CADPS: variants seen among roughly 807,000 people sequenced by gnomAD.
The protein encoded by CADPS is calcium dependent secretion activator.
A neutral mutation model predicts 167.3 loss-of-function variants in CADPS; 57 were observed. The observed-to-expected ratio is 0.34, with a 90% CI of 0.28 to 0.42. The LOEUF is 0.42. Among genes scored for constraint, CADPS ranks in the 20% least tolerant of loss-of-function variants. CADPS has a pLI of 1.00. For synonymous variants in CADPS, 676 were observed against 635.3 expected (o/e 1.06, Z -0.96); for missense variants, 1,414 against 1,738.1 (o/e 0.81, Z 3.32).
intron 1 of CADPS, among the ~76,000 whole-genome samples, chr3:62,766,797 C>A (rs2086998757): frequency 1.3e-5 from 2 of 152,172 alleles, no homozygotes; most frequent in Non-Finnish European, 1.5e-5. Context: ...ATGCAGGCAG[C>A]ACTAATTTAT....
At chr3:62,604,483 G>A (rs1329191612) in intron 6 of CADPS, among the ~76,000 whole-genome samples, 4 of 152,224 alleles carry the variant, frequency 2.6e-5, no homozygotes, top group African/African-American at 7.2e-5. Context: ...ATTCAGCTGT[G>A]AAAGCTTAGA....
intron 24 of CADPS, chr3:62,466,668 A>C (rs2059971264): frequency 2.0e-6 from 1 of 489,242 alleles, no homozygotes; most frequent in African/African-American, 1.9e-5. Flanking sequence ...TAGACACTTA[A>C]ACACTTTTAC....
chr3:62,538,374 G>C (rs963954408), intron 11 of CADPS, among the ~76,000 whole-genome samples: 2 of 152,066 alleles, frequency 1.3e-5, no homozygotes, highest in African/African-American at 4.8e-5. Flanking sequence ...CTGGCATAAT[G>C]ACACTCCTGC....
rs1394278397 is a variant in CADPS, at chr3:62,651,119, T to C, written c.970-39A>G. On this transcript the variant is annotated intron_variant, in intron 4 of 29. Coordinates refer to ENST00000383710, the MANE Select transcript of CADPS (RefSeq NM_003716.4). The stretch of plus-strand genomic sequence containing the variant: ...AGAAAAGTATGAGCAGAGGAGAAAA[T>C]AGAAAGCTGATTTATAAAGAAGGTC... 6.4e-6 allele frequency: 9 copies of C among 1,397,188 alleles called. No individual in the cohort carries two copies. In the South Asian group the frequency reaches 7.1e-5, roughly 11 times the overall value. 86.5% of individuals were successfully genotyped at this position (1,397,188 alleles called of 1,614,324 possible).
chr3:62,784,446 T>A (rs1361461653), intron 1 of CADPS, among the ~76,000 whole-genome samples: 2 of 152,194 alleles, frequency 1.3e-5, no homozygotes, highest in Non-Finnish European at 2.9e-5. Context: ...AATAGAATGA[T>A]ACTCTTCACC....
chr3:62,873,287 G>A (rs1392263261), intron 1 of CADPS, among the ~76,000 whole-genome samples: 1 of 152,174 alleles, frequency 6.6e-6, no homozygotes, highest in Non-Finnish European at 1.5e-5. Flanking sequence ...GGATAAATAC[G>A]GAAAACCTAA....
rs1403340031 is a variant in CADPS at position 62,604,592 on chromosome 3, T to C, written c.1326-11844A>G. On this transcript the variant is annotated intron_variant, in intron 6 of 29. Coordinates refer to ENST00000383710, the MANE Select transcript of CADPS (RefSeq NM_003716.4). ...GTTGGAGCTAAGCAACAGGATGGCATAGTGAGGAACTGTCAAAGGCTAAAT... is the reference window on the plus strand; with the variant it reads ...GTTGGAGCTAAGCAACAGGATGGCACAGTGAGGAACTGTCAAAGGCTAAAT... 2.2e-4 allele frequency among the ~76,000 whole-genome samples: 33 copies of C among 152,240 alleles called. 1 individual carries two copies. Among genetic ancestry groups the C allele is most frequent in the Admixed American group, 2.2e-3 (33 of 15,286 alleles).
chr3:62,645,302 T>C (rs1398304282), intron 6 of CADPS, among the ~76,000 whole-genome samples: 1 of 152,162 alleles, frequency 6.6e-6, no homozygotes, highest in Non-Finnish European at 1.5e-5. Flanking sequence ...CTGAAGAACT[T>C]AGTAATATAA....
At chr3:62,850,929 C>A (rs1316058106) in intron 1 of CADPS, among the ~76,000 whole-genome samples, 2 of 151,488 alleles carry the variant, frequency 1.3e-5, no homozygotes, top group Non-Finnish European at 2.9e-5. Flanking sequence ...GGAGGTCACT[C>A]AGGACTTGCT....
At chr3:62,509,875 A>G (rs1375258198) in intron 17 of CADPS, among the ~76,000 whole-genome samples, 1 of 152,180 alleles carries the variant, frequency 6.6e-6, no homozygotes, top group Non-Finnish European at 1.5e-5. Context: ...GAAAGAGACA[A>G]AAATGCATGG....
rs1421478732 is a variant in CADPS, at chr3:62,557,511, G to T, written c.1647C>A (p.Val549=). 2 of 1,612,090 alleles carry T rather than the reference G, an allele frequency of 1.2e-6. No homozygotes were observed. Among genetic ancestry groups the T allele is most frequent in the African/African-American group, 2.7e-5 (2 of 74,838 alleles). ...WKKRFFVLVQ[V]SQYTFAMCSY... ...TGCACATGGCAAACGTGTACTGACT[G>T]ACCTGTTAAGGAAAAGCAGATTGTG... Residue 549 remains valine (V), a splice_region_variant and synonymous_variant, in exon 10 of 30, where the codon GTC becomes GTA. Coordinates refer to ENST00000383710, the MANE Select transcript of CADPS (RefSeq NM_003716.4).
At chr3:62,765,364 A>T (rs377509523) in intron 2 of CADPS, among the ~76,000 whole-genome samples, 1 of 152,152 alleles carries the variant, frequency 6.6e-6, no homozygotes, top group Non-Finnish European at 1.5e-5. Flanking sequence ...TGCATTTTGG[A>T]CAGTGGTTCC....
chr3:62,666,754 C>T (rs1420498259), intron 3 of CADPS, among the ~76,000 whole-genome samples: 2 of 152,138 alleles, frequency 1.3e-5, no homozygotes, highest in African/African-American at 4.8e-5. Context: ...AGTTCAAGTC[C>T]ACCAGAGACA....
intron 6 of CADPS, among the ~76,000 whole-genome samples, chr3:62,598,672 A>G (rs1385687115): frequency 6.6e-6 from 1 of 152,214 alleles, no homozygotes; most frequent in Non-Finnish European, 1.5e-5. Context: ...AGAGTTATAA[A>G]TGAGTCACAG....
chr3:62,868,978 A>T lies in CADPS; in HGVS notation c.441+5611T>A, dbSNP rs187218362. On this transcript the variant is annotated intron_variant, in intron 1 of 29. Transcript: ENST00000383710. ...TTAGTGGCAGGGTTTGAGCTAAAAC[A>T]CAGGTTTCAAAATATAGGTTGAGTA... Among the ~76,000 whole-genome samples, 481 of 152,190 alleles carry T rather than the reference A, an allele frequency of 3.2e-3. 2 individuals carry two copies. The highest frequency in any genetic ancestry group is 6.0e-3 in the Non-Finnish European group (408 of 67,936).
At chr3:62,575,203 T>C (rs1028418214) in intron 8 of CADPS, among the ~76,000 whole-genome samples, 3 of 152,222 alleles carry the variant, frequency 2.0e-5, no homozygotes, top group Non-Finnish European at 2.9e-5. Flanking sequence ...AAGAAGTTCA[T>C]AGAACCCATA....
chr3:62,548,815 G>A (rs2076894487), intron 11 of CADPS, among the ~76,000 whole-genome samples: 1 of 152,188 alleles, frequency 6.6e-6, no homozygotes, highest in African/African-American at 2.4e-5. Flanking sequence ...CCTAAACTCA[G>A]GGAAAGCTTC....
intron 1 of CADPS, among the ~76,000 whole-genome samples, chr3:62,840,744 C>A (rs905582245): frequency 6.6e-6 from 1 of 152,126 alleles, no homozygotes; most frequent in South Asian, 2.1e-4. Flanking sequence ...TAATATAAAC[C>A]ATTGATATCC....
At chr3:62,494,991 C>T (rs777933585) in intron 18 of CADPS, among the ~76,000 whole-genome samples, 1 of 152,092 alleles carries the variant, frequency 6.6e-6, no homozygotes, top group Non-Finnish European at 1.5e-5. Context: ...TTAAAAGTTG[C>T]AAACCAGAGG....
Sources: allele counts gnomAD v4.1 joint callset (sites outside exome capture counted in the v4.1 genomes callset), GRCh38; gene constraint gnomAD v4.1.1; transcripts MANE v1.5; gene names NCBI Gene and HGNC (gene_info 2026-07-23, HGNC 2026-07-21).